The following ENOX1 variants were observed in gnomAD, a reference collection of about 807,000 sequenced individuals.
ENOX1 encodes candidate growth-related and time keeping constitutive hydroquinone (NADH) oxidase.
Under a neutral mutation model 82.5 loss-of-function variants are expected in ENOX1, and 42 were observed. That is an observed-to-expected ratio of 0.51 (90% CI 0.40 to 0.66). ENOX1 has a LOEUF of 0.66. Among genes scored for constraint, ENOX1 ranks in the 30% least tolerant of loss-of-function variants. The pLI, the probability that ENOX1 is intolerant of heterozygous loss-of-function variation, is 0.00. For synonymous variants in ENOX1, 271 were observed against 282.2 expected, an observed-to-expected ratio of 0.96 and a Z score of 0.40; for missense variants, 608 against 811.6, an observed-to-expected ratio of 0.75 and a Z score of 3.05.
chr13:43,590,755 G>A (rs377329629), intron 2 of ENOX1, among the ~76,000 whole-genome samples: 21 of 92,496 alleles, frequency 2.3e-4, no homozygotes, highest in African/African-American at 6.9e-4. Flanking sequence ...TAGCCTGGGC[G>A]AAAAAGTGAA....
chr13:43,409,512 A>G (rs1346410861), intron 5 of ENOX1, among the ~76,000 whole-genome samples: 1 of 152,212 alleles, frequency 6.6e-6, no homozygotes, highest in Non-Finnish European at 1.5e-5. Flanking sequence ...AAATTATCCC[A>G]TTTAAATCTC....
At chr13:43,688,496 T>C (rs2086189663) in intron 1 of ENOX1, among the ~76,000 whole-genome samples, 2 of 152,158 alleles carry the variant, frequency 1.3e-5, no homozygotes, top group Non-Finnish European at 1.5e-5. Context: ...AGCCATATGG[T>C]TCCTGTCACC....
chr13:43,742,485 T>C (rs1171999880), intron 1 of ENOX1, among the ~76,000 whole-genome samples: 2 of 152,120 alleles, frequency 1.3e-5, no homozygotes, highest in Non-Finnish European at 2.9e-5. Flanking sequence ...TTCCTCCATC[T>C]TATTTGTCTA....
At chr13:43,289,796 C>T (rs1295419195) in intron 12 of ENOX1, among the ~76,000 whole-genome samples, 1 of 152,110 alleles carries the variant, frequency 6.6e-6, no homozygotes, top group Non-Finnish European at 1.5e-5. Flanking sequence ...ACAACCTACA[C>T]AGAGTGGGAG....
intron 5 of ENOX1, among the ~76,000 whole-genome samples, chr13:43,394,332 C>T (rs750374220): frequency 1.3e-5 from 2 of 152,196 alleles, no homozygotes; most frequent in African/African-American, 4.8e-5. Flanking sequence ...AATGGCATCC[C>T]GAACTTGGCA....
chr13:43,351,911 C>A (rs1476494319), intron 8 of ENOX1, among the ~76,000 whole-genome samples: 2 of 152,114 alleles, frequency 1.3e-5, no homozygotes, highest in African/African-American at 4.8e-5. Flanking sequence ...GCCTATCTTG[C>A]CTCTATGAAG....
intron 2 of ENOX1, among the ~76,000 whole-genome samples, chr13:43,549,281 C>A (rs1166133938): frequency 6.6e-6 from 1 of 152,226 alleles, no homozygotes; most frequent in Non-Finnish European, 1.5e-5. Context: ...TCTAGCAAAA[C>A]TCCCACCTTT....
At chr13:43,485,939 G>A (rs1213336102) in intron 2 of ENOX1, among the ~76,000 whole-genome samples, 5 of 152,180 alleles carry the variant, frequency 3.3e-5, no homozygotes, top group Admixed American at 6.5e-5. Flanking sequence ...GGCCAGGTGC[G>A]GTGGCTCATG....
At chr13:43,476,808 G>A (rs966640510) in intron 3 of ENOX1, among the ~76,000 whole-genome samples, 8 of 152,104 alleles carry the variant, frequency 5.3e-5, no homozygotes, top group African/African-American at 9.7e-5. Context: ...CAGAATGTAC[G>A]GAACAGATAT....
chr13:43,260,272 T>G (rs2043981737), intron 14 of ENOX1, among the ~76,000 whole-genome samples: 1 of 152,230 alleles, frequency 6.6e-6, no homozygotes. Context: ...AACTGAAAAG[T>G]CTTTTTTCTT....
chr13:43,293,844 T>C (rs909660131), intron 12 of ENOX1, among the ~76,000 whole-genome samples: 3 of 152,214 alleles, frequency 2.0e-5, no homozygotes, highest in Non-Finnish European at 2.9e-5. Flanking sequence ...TTTAGGAAAG[T>C]AGTAATGTTA....
At chr13:43,629,407 A>G (rs2083110496) in intron 2 of ENOX1, among the ~76,000 whole-genome samples, 1 of 152,188 alleles carries the variant, frequency 6.6e-6, no homozygotes, top group Admixed American at 6.5e-5. Context: ...GATATGTAAG[A>G]TAAGAAGACA....
intron 2 of ENOX1, among the ~76,000 whole-genome samples, chr13:43,620,963 T>C (rs1304040099): frequency 6.6e-6 from 1 of 152,204 alleles, no homozygotes; most frequent in East Asian, 1.9e-4. Context: ...GATTGTGATA[T>C]TTTCCTGTTG....
At chr13:43,216,398 G>A (rs1240022769) in intron 16 of ENOX1, among the ~76,000 whole-genome samples, 1 of 152,206 alleles carries the variant, frequency 6.6e-6, no homozygotes, top group Non-Finnish European at 1.5e-5. Flanking sequence ...CTCTCCTTAT[G>A]TAGACATGTA....
chr13:43,293,170 G>T (rs1053990453), intron 12 of ENOX1, among the ~76,000 whole-genome samples: 2 of 151,948 alleles, frequency 1.3e-5, no homozygotes, highest in Admixed American at 6.6e-5. Flanking sequence ...CACAACTGAG[G>T]TTACCACCCC....
At chr13:43,643,494 T>C (rs1461667703) in intron 2 of ENOX1, among the ~76,000 whole-genome samples, 4 of 152,194 alleles carry the variant, frequency 2.6e-5, no homozygotes, top group African/African-American at 9.7e-5. Context: ...GCTACTATTT[T>C]AAAAGTTTAG....
chr13:43,351,867 A>G (rs1013436287), intron 8 of ENOX1, among the ~76,000 whole-genome samples: 14 of 152,060 alleles, frequency 9.2e-5, no homozygotes, highest in African/African-American at 3.4e-4. Context: ...TGCTATTGTG[A>G]ATAATGCCAA....
chr13:43,468,692 A>G (rs774069538), intron 3 of ENOX1, among the ~76,000 whole-genome samples: 25 of 151,802 alleles, frequency 1.6e-4, no homozygotes, highest in Non-Finnish European at 2.9e-4. Context: ...CTGAATCTGT[A>G]GATATATTTG....
In ENOX1 at chr13:43,638,807, T is replaced by C. The variant is rs755924549; in HGVS notation, c.-219+28672A>G. ...GATAAAGGATGCTATGCATGTGTAATATATCTAAATATTGGATTTTAAAAC... is the reference window on the plus strand; with the variant it reads ...GATAAAGGATGCTATGCATGTGTAACATATCTAAATATTGGATTTTAAAAC... On this transcript the variant is annotated intron_variant, in intron 2 of 16. Transcript: ENST00000690772. Among the ~76,000 whole-genome samples, 65 of 152,238 alleles carry C rather than the reference T, an allele frequency of 4.3e-4. 1 individual carries two copies. Among genetic ancestry groups the C allele is most frequent in the Non-Finnish European group, 2.1e-4 (14 of 68,046 alleles).
Sources: allele counts gnomAD v4.1 joint callset (sites outside exome capture counted in the v4.1 genomes callset), GRCh38; gene constraint gnomAD v4.1.1; transcripts MANE v1.5; gene names NCBI Gene and HGNC (gene_info 2026-07-23, HGNC 2026-07-21).